CNTNAP2: variants seen among roughly 807,000 people sequenced by gnomAD.
CNTNAP2 encodes the protein contactin associated protein 2.
Under a neutral mutation model 155.2 loss-of-function variants are expected in CNTNAP2, and 98 were observed. The observed-to-expected ratio is 0.63, with a 90% CI of 0.54 to 0.75. The LOEUF (loss-of-function observed/expected upper bound fraction) is 0.75, where lower values mean the gene tolerates loss of function less well. Ranked by LOEUF, CNTNAP2 falls within the 30% of genes least tolerant of loss-of-function variation. The pLI, the probability that CNTNAP2 is intolerant of heterozygous loss-of-function variation, is 0.00. For synonymous variants in CNTNAP2, 651 were observed against 631.2 expected, an observed-to-expected ratio of 1.03 and a Z score of -0.47; for missense variants, 1,727 against 1,688.1, an observed-to-expected ratio of 1.02 and a Z score of -0.40.
At chr7:148,215,513 C>CTTTT (rs11351735) in intron 18 of CNTNAP2, among the ~76,000 whole-genome samples, 4 of 143,634 alleles carry the variant, frequency 2.8e-5, no homozygotes, top group African/African-American at 1.0e-4. Context: ...TCAGGGCTTT[C>CTTTT]TTTTTTTTTT....
chr7:147,011,785 T>G (rs947594486), intron 3 of CNTNAP2, among the ~76,000 whole-genome samples: 1 of 152,200 alleles, frequency 6.6e-6, no homozygotes, highest in South Asian at 2.1e-4. Flanking sequence ...GGGTAAGAGC[T>G]GGCCATAGAG....
intron 1 of CNTNAP2, among the ~76,000 whole-genome samples, chr7:146,236,961 T>G (rs928026682): frequency 1.5e-4 from 23 of 152,188 alleles, no homozygotes; most frequent in African/African-American, 5.3e-4. Context: ...GAGCTCAAGA[T>G]AGCATTTGAG....
intron 13 of CNTNAP2, among the ~76,000 whole-genome samples, chr7:147,886,816 C>T (rs1269503994): frequency 6.6e-6 from 1 of 152,118 alleles, no homozygotes; most frequent in Non-Finnish European, 1.5e-5. Flanking sequence ...TGTTCATTTC[C>T]CCCAAAATTA....
intron 1 of CNTNAP2, among the ~76,000 whole-genome samples, chr7:146,657,782 T>C (rs1024331550): frequency 6.6e-6 from 1 of 152,174 alleles, no homozygotes; most frequent in Non-Finnish European, 1.5e-5. Flanking sequence ...AAAAAGAGTC[T>C]AATTTTAAAA....
intron 1 of CNTNAP2, among the ~76,000 whole-genome samples, chr7:146,305,024 C>T (rs1800683815): frequency 3.3e-5 from 5 of 152,036 alleles, no homozygotes; most frequent in South Asian, 2.1e-4. Flanking sequence ...TTCATTTGAT[C>T]TTCAATCACA....
intron 9 of CNTNAP2, among the ~76,000 whole-genome samples, chr7:147,370,897 G>A (rs1796328517): frequency 6.6e-6 from 1 of 152,102 alleles, no homozygotes; most frequent in Non-Finnish European, 1.5e-5. Flanking sequence ...CTTTCAATAT[G>A]CTTAGTATTA....
At chr7:147,845,046 C>T (rs1440880398) in intron 13 of CNTNAP2, among the ~76,000 whole-genome samples, 1 of 76,236 alleles carries the variant, frequency 1.3e-5, no homozygotes, top group Non-Finnish European at 2.6e-5. Context: ...GGATATTGGT[C>T]TAAAATTCTC....
At chr7:147,858,653 C>A (rs916423854) in intron 13 of CNTNAP2, among the ~76,000 whole-genome samples, 34 of 152,044 alleles carry the variant, frequency 2.2e-4, no homozygotes, top group Non-Finnish European at 7.3e-5. Context: ...TAAAGTGGGC[C>A]CTAATTCAAT....
chr7:146,883,958 A>G (rs1304770234), intron 3 of CNTNAP2, among the ~76,000 whole-genome samples: 1 of 152,118 alleles, frequency 6.6e-6, no homozygotes, highest in East Asian at 1.9e-4. Context: ...GCCATAGTTT[A>G]TGACCTATCT....
chr7:147,469,506 ATTTTTTTTTT>A (rs71527812), intron 10 of CNTNAP2, among the ~76,000 whole-genome samples: 2 of 79,104 alleles, frequency 2.5e-5, no homozygotes, highest in Non-Finnish European at 4.7e-5. Context: ...TCAGGCTGCA[ATTTTTTTTTT>A]TTTTTTTTTT....
intron 15 of CNTNAP2, among the ~76,000 whole-genome samples, chr7:148,001,612 A>G (rs1163577053): frequency 6.6e-6 from 1 of 152,236 alleles, no homozygotes; most frequent in Non-Finnish European, 1.5e-5. Context: ...TGCTTTATAC[A>G]TGAGCATAAA....
rs982693992 is a variant in CNTNAP2, at chr7:146,701,476, A to G, written c.98-72795A>G. Among the ~76,000 whole-genome samples the G allele has an allele frequency of 3.3e-5, 5 of 152,160 alleles. 1 individual carries two copies. Among genetic ancestry groups the G allele is most frequent in the African/African-American group, 7.2e-5 (3 of 41,444 alleles). On this transcript the variant is annotated intron_variant, in intron 1 of 23. Coordinates refer to ENST00000361727, the MANE Select transcript of CNTNAP2 (RefSeq NM_014141.6). ...TAAATCATGAACAAAGCAAACTATG[A>G]TGTCTGGTTGTATTTTAAAAATATA... is the stretch of plus-strand genomic sequence containing the variant.
intron 8 of CNTNAP2, among the ~76,000 whole-genome samples, chr7:147,261,715 C>T: frequency 6.6e-6 from 1 of 152,096 alleles, no homozygotes; most frequent in East Asian, 1.9e-4. Flanking sequence ...TTCAGTGATA[C>T]AAATGGTTAG....
At chr7:148,184,210 T>G in intron 18 of CNTNAP2, among the ~76,000 whole-genome samples, 1 of 152,128 alleles carries the variant, frequency 6.6e-6, no homozygotes. Context: ...GAGGCAGGAT[T>G]GCTTGAGCCC....
At chr7:146,257,305 G>A (rs774222346) in intron 1 of CNTNAP2, among the ~76,000 whole-genome samples, 23 of 152,260 alleles carry the variant, frequency 1.5e-4, no homozygotes, top group Non-Finnish European at 3.4e-4. Context: ...AGAAGCAAGA[G>A]TGGTATAGGA....
intron 13 of CNTNAP2, among the ~76,000 whole-genome samples, chr7:147,790,048 T>G (rs531730695): frequency 1.3e-5 from 2 of 152,154 alleles, no homozygotes; most frequent in East Asian, 3.9e-4. Flanking sequence ...TATACATATA[T>G]CCTATTAGTT....
chr7:146,998,145 TC>T (rs1798348165), intron 3 of CNTNAP2, among the ~76,000 whole-genome samples: 1 of 152,040 alleles, frequency 6.6e-6, no homozygotes, highest in Admixed American at 6.6e-5. Flanking sequence ...TGGAGATTTT[TC>T]ATATACTCTG....
chr7:146,841,248 C>T (rs1220189428), intron 3 of CNTNAP2, among the ~76,000 whole-genome samples: 2 of 151,502 alleles, frequency 1.3e-5, no homozygotes, highest in East Asian at 1.9e-4. Flanking sequence ...GGTTTTCAGT[C>T]TACAGTTAAG....
chr7:147,118,524 A>G (rs540641476), intron 5 of CNTNAP2, among the ~76,000 whole-genome samples: 7 of 152,158 alleles, frequency 4.6e-5, no homozygotes, highest in African/African-American at 1.7e-4. Flanking sequence ...ATATGCAGTC[A>G]TGTGTCACTT....
Sources: allele counts gnomAD v4.1 joint callset (sites outside exome capture counted in the v4.1 genomes callset), GRCh38; gene constraint gnomAD v4.1.1; transcripts MANE v1.5; gene names NCBI Gene and HGNC (gene_info 2026-07-23, HGNC 2026-07-21).